Variants in MICU1 observed in about 807,000 individuals in gnomAD.
MICU1 encodes calcium uptake protein 1, mitochondrial.
A neutral mutation model predicts 56.8 loss-of-function variants in MICU1; 45 were observed. The ratio of observed to expected loss-of-function variants is 0.79; its 90% CI spans 0.62 to 1.02. The LOEUF (loss-of-function observed/expected upper bound fraction) is 1.02. MICU1 is among the 50% of genes least tolerant of loss of function. The pLI, the probability that MICU1 is intolerant of heterozygous loss-of-function variation, is 0.00. For missense variants in MICU1, 504 were observed against 587.1 expected (o/e 0.86, Z 1.46); for synonymous variants, 186 against 195.1 (o/e 0.95, Z 0.39).
chr10:72,373,640 T>C (rs1427836960), intron 11 of MICU1, among the ~76,000 whole-genome samples: 3 of 152,326 alleles, frequency 2.0e-5, no homozygotes, highest in African/African-American at 4.8e-5. Context: ...TCTAAAAAGC[T>C]AGAAAATCAA....
chr10:72,562,018 T>A (rs571185321), intron 3 of MICU1, among the ~76,000 whole-genome samples: 1 of 152,082 alleles, frequency 6.6e-6, no homozygotes, highest in Non-Finnish European at 1.5e-5. Context: ...AAGAAATCCA[T>A]CCTTTTCATT....
At chr10:72,494,148 C>A (rs1866758647) in intron 6 of MICU1, among the ~76,000 whole-genome samples, 3 of 152,058 alleles carry the variant, frequency 2.0e-5, no homozygotes. Context: ...GGGGAATGTG[C>A]ACAACTCTAG....
At chr10:72,522,115 G>A (rs1867840647) in intron 5 of MICU1, among the ~76,000 whole-genome samples, 1 of 152,038 alleles carries the variant, frequency 6.6e-6, no homozygotes, top group Non-Finnish European at 1.5e-5. Flanking sequence ...AGATGGTCAG[G>A]CTAAGTTGAG....
intron 2 of MICU1, among the ~76,000 whole-genome samples, chr10:72,564,983 C>T (rs1237499906): frequency 6.6e-6 from 1 of 151,932 alleles, no homozygotes; most frequent in Non-Finnish European, 1.5e-5. Context: ...ATTAATAGGG[C>T]TAAGATAGCT....
chr10:72,551,522 T>C (rs981159188), intron 3 of MICU1, among the ~76,000 whole-genome samples, 181 bp from the exon 4 acceptor site: 8 of 152,212 alleles, frequency 5.3e-5, no homozygotes, highest in Admixed American at 2.6e-4. Flanking sequence ...ATTGTTAATA[T>C]TCTTGGAATT....
intron 4 of MICU1, among the ~76,000 whole-genome samples, chr10:72,535,029 T>TATTTTATTTTATTTTATTTTATTTTA: frequency 1.4e-5 from 2 of 142,684 alleles, no homozygotes; most frequent in Admixed American, 1.4e-4. Context: ...TATTTTATTT[T>TATTTTATTTTATTTTATTTTATTTTA]ATTTTATTTA....
chr10:72,610,968 G>T (rs2132566761), intron 1 of MICU1, among the ~76,000 whole-genome samples: 1 of 152,266 alleles, frequency 6.6e-6, no homozygotes, highest in African/African-American at 2.4e-5. Context: ...CCACAAAAAA[G>T]TAGGCAAGTA....
At position 72,569,206 on chromosome 10, in the gene MICU1, CATATATATAT is replaced by C. The variant is rs1211580394; in HGVS notation, c.-1-2422_-1-2413del. ...ATACATTTCTAAAATCATATATATG[CATATATATAT>C]ATATATATATATATATATATATTTT... On this transcript the variant is annotated intron_variant, in intron 1 of 11. Coordinates refer to ENST00000361114, the MANE Select transcript of MICU1 (RefSeq NM_001195518.2). Among the ~76,000 whole-genome samples the C allele has an allele frequency of 9.4e-4, 64 of 68,046 alleles. 4 individuals are homozygous for C. The highest frequency in any genetic ancestry group is 2.7e-3 in the African/African-American group (43 of 16,220). The allele number at this position is 68,046 out of a possible 152,430, so 44.6% of individuals were successfully genotyped here. A position where few individuals can be genotyped will look rare whatever the true frequency, so the allele number is the denominator to read the frequency against.
intron 6 of MICU1, among the ~76,000 whole-genome samples, chr10:72,492,092 C>T (rs1866675238): frequency 6.6e-6 from 1 of 151,996 alleles, no homozygotes; most frequent in African/African-American, 2.4e-5. Flanking sequence ...TTCTAGTGCC[C>T]GCCAGTATAT....
rs758679696 is a variant in MICU1, at chr10:72,508,214, A to G, written c.593T>C (p.Leu198Pro). The G allele has an allele frequency of 6.4e-7, 1 of 1,551,706 alleles. No homozygotes were observed. Among genetic ancestry groups the G allele is most frequent in the Non-Finnish European group, 8.8e-7 (1 of 1,138,474 alleles). Residue 198 changes from leucine (L) to proline (P), a missense_variant, in exon 6 of 12, where the codon CTT becomes CCT. By Grantham distance (98) the Leu-to-Pro change is moderately conservative. Coordinates refer to ENST00000361114, the MANE Select transcript of MICU1 (RefSeq NM_001195518.2). Reference sequence around the variant, plus strand: ...AAAGGATATGAGCCCACATTCTCCAAGGGTGTAAAATATACTGCCTTCATC... The same window carrying G: ...AAAGGATATGAGCCCACATTCTCCAGGGGTGTAAAATATACTGCCTTCATC... Reference protein sequence around the residue: ...FADEGSIFYTLGECGLISFSD... With the variant: ...FADEGSIFYTPGECGLISFSD...
intron 1 of MICU1, among the ~76,000 whole-genome samples, chr10:72,572,820 A>G (rs1038862440): frequency 1.3e-5 from 2 of 152,156 alleles, no homozygotes; most frequent in African/African-American, 4.8e-5. Flanking sequence ...ACATTTGTTG[A>G]CAATGTTGCA....
intron 1 of MICU1, 102 bp from the exon 2 acceptor site, chr10:72,566,896 CTA>C (rs1224114707): frequency 7.2e-6 from 7 of 971,528 alleles, no homozygotes; most frequent in Non-Finnish European, 1.1e-5. Flanking sequence ...AGTAATTGCT[CTA>C]TGACAGGCAC....
At chr10:72,392,356 G>A (rs1000952045) in intron 10 of MICU1, among the ~76,000 whole-genome samples, 4 of 152,136 alleles carry the variant, frequency 2.6e-5, no homozygotes, top group Non-Finnish European at 5.9e-5. Flanking sequence ...GATCATTTGA[G>A]GTCAGGAGTT....
Position 72,546,916 on chromosome 10 carries a change from G to T in MICU1, c.493+4263C>A, listed in dbSNP as rs193032630. ...AATTTTTTTTTTTTTTTTTGAGATG[G>T]AGTCTCGCTCTGTCGCCCAGGCTGG... On this transcript the variant is annotated intron_variant, in intron 4 of 11. Coordinates refer to ENST00000361114, the MANE Select transcript of MICU1 (RefSeq NM_001195518.2). 3.3e-4 allele frequency among the ~76,000 whole-genome samples: 49 copies of T among 149,020 alleles called. No individual in the cohort carries two copies. The East Asian group carries it at 8.9e-3, about 27-fold the overall frequency.
chr10:72,380,588 C>T (rs1317980313), intron 10 of MICU1, among the ~76,000 whole-genome samples: 3 of 152,128 alleles, frequency 2.0e-5, no homozygotes, highest in Non-Finnish European at 2.9e-5. Context: ...CAGAAGAGCT[C>T]TGAAGTGATG....
chr10:72,570,191 C>T (rs887763773), intron 1 of MICU1, among the ~76,000 whole-genome samples: 2 of 152,034 alleles, frequency 1.3e-5, no homozygotes, highest in African/African-American at 2.4e-5. Flanking sequence ...GTGATCTGCC[C>T]GCCTTGGCCT....
At chr10:72,593,936 T>C (rs760631581) in intron 1 of MICU1, among the ~76,000 whole-genome samples, 4 of 152,196 alleles carry the variant, frequency 2.6e-5, no homozygotes, top group Admixed American at 6.5e-5. Context: ...TAAGATACAA[T>C]ACTAGTCAAA....
chr10:72,450,043 T>C (rs1217601215), intron 8 of MICU1, among the ~76,000 whole-genome samples: 2 of 152,164 alleles, frequency 1.3e-5, no homozygotes, highest in African/African-American at 2.4e-5. Context: ...GTTCTGTCTC[T>C]GGGAAGCACT....
At chr10:72,586,478 C>G (rs1220668533) in intron 1 of MICU1, among the ~76,000 whole-genome samples, 2 of 151,974 alleles carry the variant, frequency 1.3e-5, no homozygotes, top group Non-Finnish European at 2.9e-5. Context: ...TGGTGAAACC[C>G]CATCTCTACT....
Sources: gnomAD v4.1 joint callset for allele counts (sites outside exome capture counted in the v4.1 genomes callset) on GRCh38, gnomAD v4.1.1 for gene constraint, MANE v1.5 for transcripts, NCBI Gene and HGNC (gene_info 2026-07-23, HGNC 2026-07-21) for gene names.